PDZRN4: variants seen among roughly 807,000 people sequenced by gnomAD.
The protein encoded by PDZRN4 is PDZ domain containing ring finger 4, also known as PDZ domain-containing RING finger protein 4.
PDZRN4 carries 70 observed loss-of-function variants against 99.0 expected under a neutral mutation model. That is an observed-to-expected ratio of 0.71 (90% confidence interval 0.58 to 0.86). PDZRN4 has a LOEUF of 0.86. Ranked by LOEUF, PDZRN4 falls within the 40% of genes least tolerant of loss-of-function variation. The pLI, the probability that PDZRN4 is intolerant of heterozygous loss-of-function variation, is 0.00. For missense variants in PDZRN4, 1,474 were observed against 1,331.2 expected, an observed-to-expected ratio of 1.11 and a Z score of -1.67; for synonymous variants, 551 against 501.6, an observed-to-expected ratio of 1.10 and a Z score of -1.32.
At chr12:41,539,802 T>G (rs1202411108) in intron 5 of PDZRN4, among the ~76,000 whole-genome samples, 1 of 152,204 alleles carries the variant, frequency 6.6e-6, no homozygotes, top group Non-Finnish European at 1.5e-5. Context: ...CAAATCTCTG[T>G]TGTGTCAACA....
chr12:41,302,110 G>GC (rs1951540344), intron 3 of PDZRN4, among the ~76,000 whole-genome samples: 1 of 151,854 alleles, frequency 6.6e-6, no homozygotes, highest in African/African-American at 2.4e-5. Context: ...TTATATATGT[G>GC]CATATGCATA....
chr12:41,296,894 ACTG>A (rs1164651899), intron 3 of PDZRN4, among the ~76,000 whole-genome samples: 1 of 152,072 alleles, frequency 6.6e-6, no homozygotes, highest in Non-Finnish European at 1.5e-5. Context: ...GGAGGTTGAC[ACTG>A]CAGTGAGCCA....
At chr12:41,463,970 G>T (rs1349158314) in intron 3 of PDZRN4, among the ~76,000 whole-genome samples, 1 of 152,106 alleles carries the variant, frequency 6.6e-6, no homozygotes, top group Non-Finnish European at 1.5e-5. Flanking sequence ...TACCCCCACA[G>T]GAGGTACAAC....
At chr12:41,520,371 C>A (rs1246613195) in intron 5 of PDZRN4, among the ~76,000 whole-genome samples, 1 of 152,036 alleles carries the variant, frequency 6.6e-6, no homozygotes, top group African/African-American at 2.4e-5. Context: ...GCATCCCTCT[C>A]TTCCAAGTAC....
At chr12:41,382,200 G>A (rs1228150358) in intron 3 of PDZRN4, among the ~76,000 whole-genome samples, 4 of 152,162 alleles carry the variant, frequency 2.6e-5, no homozygotes, top group Non-Finnish European at 5.9e-5. Flanking sequence ...CCCAGGATGT[G>A]CTCCCCAGCC....
chr12:41,495,419 C>T (rs998405373), intron 3 of PDZRN4, among the ~76,000 whole-genome samples: 2 of 152,038 alleles, frequency 1.3e-5, no homozygotes, highest in Admixed American at 1.3e-4. Flanking sequence ...CCGAGGCTGG[C>T]TGTTATAGAA....
chr12:41,223,631 G>A (rs1244477244), intron 3 of PDZRN4, among the ~76,000 whole-genome samples: 2 of 152,156 alleles, frequency 1.3e-5, no homozygotes, highest in Non-Finnish European at 2.9e-5. Flanking sequence ...GCTGGGAGTT[G>A]TTAGGCCATT....
intron 3 of PDZRN4, among the ~76,000 whole-genome samples, chr12:41,200,756 T>C (rs907518903): frequency 1.1e-4 from 17 of 152,160 alleles, no homozygotes; most frequent in Non-Finnish European, 4.4e-5. Context: ...TTGCCCTTCT[T>C]TTCTTCCTTT....
chr12:41,220,125 T>C (rs1950945374), intron 3 of PDZRN4, among the ~76,000 whole-genome samples: 1 of 152,132 alleles, frequency 6.6e-6, no homozygotes, highest in East Asian at 1.9e-4. Flanking sequence ...AAGTCTTTAT[T>C]AGTTTGCTAG....
At chr12:41,354,747 CTGAG>C (rs1283461959) in intron 3 of PDZRN4, among the ~76,000 whole-genome samples, 5 of 151,950 alleles carry the variant, frequency 3.3e-5, no homozygotes, top group Non-Finnish European at 7.4e-5. Flanking sequence ...CCTTGCACTG[CTGAG>C]TAAGAGTTTT....
At chr12:41,498,579 G>A (rs1938053161) in intron 3 of PDZRN4, among the ~76,000 whole-genome samples, 1 of 152,054 alleles carries the variant, frequency 6.6e-6, no homozygotes, top group African/African-American at 2.4e-5. Flanking sequence ...TGTGATAATA[G>A]CATTAATCCA....
chr12:41,535,013 G>C (rs1331880076), intron 5 of PDZRN4, among the ~76,000 whole-genome samples: 1 of 151,436 alleles, frequency 6.6e-6, no homozygotes, highest in Non-Finnish European at 1.5e-5. Context: ...CCTCAGGTAT[G>C]TCCAACCTGT....
intron 3 of PDZRN4, among the ~76,000 whole-genome samples, chr12:41,287,873 A>T (rs560437296): frequency 1.3e-5 from 2 of 152,282 alleles, no homozygotes; most frequent in South Asian, 4.1e-4. Context: ...TTTCTCCCTT[A>T]TGTAGCACTG....
At chr12:41,371,943 G>T in intron 3 of PDZRN4, among the ~76,000 whole-genome samples, 1 of 152,038 alleles carries the variant, frequency 6.6e-6, no homozygotes, top group East Asian at 1.9e-4. Flanking sequence ...ACTTTCCCTA[G>T]TTTATTCCCT....
chr12:41,541,117 C>T (rs1171375464), intron 5 of PDZRN4, among the ~76,000 whole-genome samples: 1 of 151,722 alleles, frequency 6.6e-6, no homozygotes, highest in East Asian at 1.9e-4. Flanking sequence ...TTTTTAGTAG[C>T]AACAGGGTTT....
At chr12:41,399,900 T>C (rs1374090516) in intron 3 of PDZRN4, among the ~76,000 whole-genome samples, 2 of 151,920 alleles carry the variant, frequency 1.3e-5, no homozygotes, top group African/African-American at 2.4e-5. Flanking sequence ...TCTTCTCTCT[T>C]GGCCTGATAA....
At chr12:41,473,305 G>A (rs369807653) in intron 3 of PDZRN4, 3 of 152,176 alleles carry the variant, frequency 2.0e-5, no homozygotes, top group East Asian at 1.9e-4. Context: ...AAAGAGTAAT[G>A]CATGGTCCTT....
intron 3 of PDZRN4, among the ~76,000 whole-genome samples, chr12:41,407,688 T>C (rs1450963679): frequency 6.8e-6 from 1 of 148,086 alleles, no homozygotes; most frequent in East Asian, 2.0e-4. Context: ...TAATTACAAC[T>C]GCAGTGTTTA....
chr12:41,328,829 G>GCTTTATTGTTGAGT (rs1205170119), intron 3 of PDZRN4, among the ~76,000 whole-genome samples: 2 of 152,086 alleles, frequency 1.3e-5, no homozygotes, highest in Non-Finnish European at 2.9e-5. Flanking sequence ...ATAGTTGAGT[G>GCTTTATTGTTGAGT]GACTTTATTT....
Sources: gnomAD v4.1 joint callset for allele counts (sites outside exome capture counted in the v4.1 genomes callset) on GRCh38, gnomAD v4.1.1 for gene constraint, MANE v1.5 for transcripts, NCBI Gene and HGNC (gene_info 2026-07-23, HGNC 2026-07-21) for gene names.